The following ANKRD6 variants were observed in gnomAD, a reference collection of about 807,000 sequenced individuals.
ANKRD6 encodes ankyrin repeat domain 6.
In ANKRD6, 56 loss-of-function variants were observed where a neutral mutation model predicts 82.3. The ratio of observed to expected loss-of-function variants is 0.68; its 90% confidence interval spans 0.55 to 0.85. The LOEUF (loss-of-function observed/expected upper bound fraction) is 0.85, where lower values mean the gene tolerates loss of function less well. ANKRD6 is among the 40% of genes least tolerant of loss of function. The probability of loss-of-function intolerance (pLI) is 0.00; values close to 1 mark genes in which losing one functional copy is unlikely to be tolerated. For synonymous variants in ANKRD6, 347 were observed against 352.1 expected (o/e 0.99, Z 0.16); for missense variants, 852 against 907.6 (o/e 0.94, Z 0.79).
At chr6:89,601,579 CTT>C (rs1044741926) in intron 3 of ANKRD6, 10 of 152,022 alleles carry the variant, frequency 6.6e-5, no homozygotes, top group African/African-American at 2.2e-4. Flanking sequence ...TAAAGGGAGA[CTT>C]TTTAATTTTA....
chr6:89,433,204 G>C lies in ANKRD6; in HGVS notation c.-315G>C, dbSNP rs1048194480. ...GGGCTCGGCCACAGGTAACCCGCAG[G>C]AGCCGAGAGCGCTGCCTGGCGCGCG... is the stretch of plus-strand genomic sequence containing the variant. On this transcript the variant is annotated 5_prime_UTR_variant, in exon 1 of 16. Coordinates refer to ENST00000339746, the MANE Select transcript of ANKRD6 (RefSeq NM_001242809.2). The surrounding 1 kb of genome is among the most constrained non-coding windows in gnomAD (Gnocchi z 4.3). 4.0e-5 allele frequency: 6 copies of C among 151,522 alleles called. No individual in the cohort carries two copies. The highest frequency in any genetic ancestry group is 8.8e-5 in the Non-Finnish European group (6 of 67,892). 9.4% of individuals were successfully genotyped at this position (151,522 alleles called of 1,614,324 possible).
At position 89,475,670 on chromosome 6, in the gene ANKRD6, C is replaced by G. The variant is rs527791634; in HGVS notation, c.-144+42295C>G. 5.9e-5 allele frequency among the ~76,000 whole-genome samples: 9 copies of G among 152,316 alleles called. No individual in the cohort carries two copies. In the South Asian group the frequency reaches 1.9e-3, roughly 32 times the overall value. ...TCACAGCCCCCAGCCTCCCACTGTCCTAGATAGATGAGGTGATTGTTCTCA... is the reference window on the plus strand; with the variant it reads ...TCACAGCCCCCAGCCTCCCACTGTCGTAGATAGATGAGGTGATTGTTCTCA... On this transcript the variant is annotated intron_variant, in intron 1 of 15. Coordinates refer to ENST00000339746, the MANE Select transcript of ANKRD6 (RefSeq NM_001242809.2).
At chr6:89,622,261 G>T (rs1289347906) in intron 10 of ANKRD6, among the ~76,000 whole-genome samples, 2 of 152,220 alleles carry the variant, frequency 1.3e-5, no homozygotes, top group Non-Finnish European at 2.9e-5. Context: ...TCCAGTACAC[G>T]TGGGGGGCAC....
intron 1 of ANKRD6, among the ~76,000 whole-genome samples, chr6:89,442,182 G>C (rs1328747282): frequency 6.6e-6 from 1 of 151,952 alleles, no homozygotes; most frequent in African/African-American, 2.4e-5. Context: ...TTTTAGTAGA[G>C]ACGGGGTTTC....
In ANKRD6 at chr6:89,623,381, A is replaced by G. The variant is rs557320371; in HGVS notation, c.898-29A>G. On this transcript the variant is annotated intron_variant, in intron 10 of 15. Transcript: ENST00000339746. The stretch of plus-strand genomic sequence containing the variant: ...GAAAAAGGCCAAGGAAGCAAACACA[A>G]TGGGTCTCTGGGCTTTTTCCTTCTG... 943 of 1,597,116 alleles carry G rather than the reference A, an allele frequency of 5.9e-4. 12 individuals are homozygous for G. In the South Asian group the frequency reaches 7.5e-3, roughly 13 times the overall value.
At chr6:89,543,297 G>A (rs62415448) in intron 1 of ANKRD6, among the ~76,000 whole-genome samples, 8,054 of 152,254 alleles carry the variant, frequency 0.053, 304 homozygotes, top group Non-Finnish European at 0.08. Flanking sequence ...TGTGGAGGGT[G>A]TTCTGACTCT....
chr6:89,627,840 A>T, intron 14 of ANKRD6, 144 bp downstream of exon 14: 1 of 654,186 alleles, frequency 1.5e-6, no homozygotes, highest in South Asian at 1.9e-5. Flanking sequence ...TATGATACTG[A>T]AATGAGGTTA....
intron 1 of ANKRD6, among the ~76,000 whole-genome samples, chr6:89,556,645 A>G (rs1786643079): frequency 6.6e-6 from 1 of 152,266 alleles, no homozygotes; most frequent in African/African-American, 2.4e-5. Flanking sequence ...AACCCAGGTA[A>G]GAAATGATGA....
chr6:89,596,294 A>T (rs541253718), intron 3 of ANKRD6, among the ~76,000 whole-genome samples: 2 of 152,160 alleles, frequency 1.3e-5, no homozygotes, highest in South Asian at 4.2e-4. Context: ...ATTGTACAAA[A>T]TGCCTCAAAG....
At chr6:89,559,419 C>G (rs1161489873) in intron 1 of ANKRD6, among the ~76,000 whole-genome samples, 1 of 152,194 alleles carries the variant, frequency 6.6e-6, no homozygotes, top group Non-Finnish European at 1.5e-5. Context: ...AAGAATGATC[C>G]CTCTCCCAGT....
chr6:89,522,419 T>C (rs910653740), intron 1 of ANKRD6, among the ~76,000 whole-genome samples: 1 of 152,144 alleles, frequency 6.6e-6, no homozygotes, highest in Admixed American at 6.5e-5. Flanking sequence ...TACCTTTCTG[T>C]AGAATGAGCT....
intron 1 of ANKRD6, among the ~76,000 whole-genome samples, chr6:89,559,010 A>G (rs368292479): frequency 1.3e-5 from 2 of 152,234 alleles, no homozygotes; most frequent in South Asian, 4.1e-4. Context: ...AGTGTAGCAT[A>G]AAACCATAAT....
intron 1 of ANKRD6, among the ~76,000 whole-genome samples, chr6:89,477,101 C>A (rs996616631): frequency 5.3e-5 from 8 of 152,090 alleles, no homozygotes; most frequent in Admixed American, 3.3e-4. Flanking sequence ...CCCCCTACCA[C>A]GCCCGGCTAA....
intron 2 of ANKRD6, among the ~76,000 whole-genome samples, chr6:89,580,890 G>C (rs571830645): frequency 1.3e-4 from 20 of 152,288 alleles, no homozygotes; most frequent in African/African-American, 3.6e-4. Context: ...TGGTTGGTCA[G>C]GTGAAAGTTT....
chr6:89,532,854 A>G (rs915962751), intron 1 of ANKRD6, among the ~76,000 whole-genome samples: 1 of 149,034 alleles, frequency 6.7e-6, no homozygotes, highest in South Asian at 2.1e-4. Flanking sequence ...GCCATGTGCC[A>G]CCATGTCCAG....
At chr6:89,556,358 TAAAG>T (rs1205469106) in intron 1 of ANKRD6, among the ~76,000 whole-genome samples, 2 of 152,246 alleles carry the variant, frequency 1.3e-5, no homozygotes, top group Non-Finnish European at 2.9e-5. Flanking sequence ...GGAGTCAAGT[TAAAG>T]AAATCCCAAG....
At chr6:89,493,934 TAAAGAA>T (rs1778315305) in intron 1 of ANKRD6, among the ~76,000 whole-genome samples, 1 of 152,130 alleles carries the variant, frequency 6.6e-6, no homozygotes, top group Admixed American at 6.6e-5. Context: ...CTACAATTGT[TAAAGAA>T]AAAGTTATTC....
intron 1 of ANKRD6, among the ~76,000 whole-genome samples, chr6:89,521,851 A>G (rs1256095740): frequency 1.3e-5 from 2 of 152,196 alleles, no homozygotes; most frequent in African/African-American, 4.8e-5. Flanking sequence ...AGGGAATAGC[A>G]TTATTTATTT....
intron 6 of ANKRD6, 54 bp from the exon 7 acceptor site, chr6:89,613,738 C>T (rs570272147): frequency 2.0e-5 from 30 of 1,508,124 alleles, no homozygotes; most frequent in African/African-American, 1.8e-4. Context: ...CTACTTTTCT[C>T]TATTTGTTTT....
Sources: allele counts gnomAD v4.1 joint callset (sites outside exome capture counted in the v4.1 genomes callset), GRCh38; gene constraint gnomAD v4.1.1; non-coding constraint Gnocchi (gnomAD v3.1); transcripts MANE v1.5; gene names NCBI Gene and HGNC (gene_info 2026-07-23, HGNC 2026-07-21).